The following TRIM41 variants were observed in gnomAD, a reference collection of about 807,000 sequenced individuals.
The protein encoded by TRIM41 is E3 ubiquitin-protein ligase TRIM41.
A neutral mutation model predicts 60.6 loss-of-function variants in TRIM41; 21 were observed. That is an observed-to-expected ratio of 0.35 (90% CI 0.25 to 0.50). The LOEUF (loss-of-function observed/expected upper bound fraction) is 0.50. TRIM41 is among the 20% of genes least tolerant of loss of function. The pLI, the probability that TRIM41 is intolerant of heterozygous loss-of-function variation, is 0.98. For synonymous variants in TRIM41, 407 were observed against 344.9 expected (o/e 1.18, Z -2.00); for missense variants, 846 against 868.3 (o/e 0.97, Z 0.32).
At position 181,233,358 on chromosome 5, in the gene TRIM41, G is replaced by T; in HGVS notation, c.1141-55G>T. 6 of 1,573,468 alleles carry T rather than the reference G, an allele frequency of 3.8e-6. No homozygotes were observed. Among genetic ancestry groups the T allele is most frequent in the Non-Finnish European group, 5.2e-6 (6 of 1,144,902 alleles). ...CGGGGAACGCTGTCCCTGTGCAGCT[G>T]ACACTCTCTTTATCTCTTTCTCCCT... On this transcript the variant is annotated intron_variant, in intron 3 of 5. Transcript: ENST00000315073. The surrounding 1 kb of genome is among the most constrained non-coding windows in gnomAD (Gnocchi z 4.1).
intron 1 of TRIM41, chr5:181,225,457 C>T (rs1163207681): frequency 1.9e-5 from 3 of 157,740 alleles, no homozygotes; most frequent in Non-Finnish European, 4.2e-5. Context: ...AGTTAATATT[C>T]ACTGGACATT....
rs777030561 is a variant in TRIM41, at chr5:181,235,393, T to C, written c.*618T>C. ...AGCTTCACTTGAGAGAGATCTGGAA[T>C]GGTCGCCATGATTGAAACCACGCAC... On this transcript the variant is annotated 3_prime_UTR_variant, in exon 6 of 6. Transcript: ENST00000315073. The C allele has an allele frequency of 5.0e-6, 8 of 1,614,234 alleles. No homozygotes were observed. Among genetic ancestry groups the C allele is most frequent in the Non-Finnish European group, 6.8e-6 (8 of 1,180,040 alleles).
intron 2 of TRIM41, 93 bp downstream of exon 2, chr5:181,230,932 TGAGG>T: frequency 8.7e-6 from 10 of 1,149,302 alleles, no homozygotes; most frequent in Non-Finnish European, 1.3e-5. Context: ...CTTGGTCCCC[TGAGG>T]AGGGGACAGC....
chr5:181,235,060 G>A lies in TRIM41; in HGVS notation c.*285G>A, dbSNP rs777847841. The A allele has an allele frequency of 1.2e-5, 20 of 1,611,562 alleles. No homozygotes were observed. Among genetic ancestry groups the A allele is most frequent in the Admixed American group, 1.7e-5 (1 of 59,610 alleles). On this transcript the variant is annotated 3_prime_UTR_variant, in exon 6 of 6. Coordinates refer to ENST00000315073, the MANE Select transcript of TRIM41 (RefSeq NM_033549.5). ...CTTCTCTCCCAGTCTGCCTAGCCCAGCCCTGGGACTGGAATTTGAGTAGGG... is the reference window on the plus strand; with the variant it reads ...CTTCTCTCCCAGTCTGCCTAGCCCAACCCTGGGACTGGAATTTGAGTAGGG...
At chr5:181,232,264 AAC>A (rs1197831092) in intron 2 of TRIM41, 4 of 203,124 alleles carry the variant, frequency 2.0e-5, no homozygotes, top group Non-Finnish European at 3.9e-5. Context: ...AAAGGATGTT[AAC>A]AGTTACGTCA....
chr5:181,234,734 C>G lies in TRIM41; in HGVS notation c.1852C>G (p.Arg618Gly), dbSNP rs765306921. 1 of 1,613,844 alleles carries G rather than the reference C, an allele frequency of 6.2e-7. No individual in the cohort carries two copies. The highest frequency in any genetic ancestry group is 8.5e-7 in the Non-Finnish European group (1 of 1,179,786). Residue 618 changes from arginine to glycine, a missense_variant, in exon 6 of 6, where the codon CGG (arginine) becomes GGG (glycine). Transcript: ENST00000315073. This position sits in a 1 kb window ranked among gnomAD's most constrained non-coding sequence, Gnocchi z 5.6. ...GGGCGAGCGTGTCTTTCCTTTCTTC[C>G]GGGTGCTCTCCAAGGGCACCCGCAT... Reference protein sequence around the residue: ...FLGERVFPFFRVLSKGTRIKL... With the variant: ...FLGERVFPFFGVLSKGTRIKL...
rs918393169 is a variant in TRIM41 at position 181,234,402 on chromosome 5, C to T, written c.1520C>T (p.Thr507Ile). 1.9e-6 allele frequency: 3 copies of T among 1,561,842 alleles called. No homozygotes were observed. The African/African-American group carries it at 4.1e-5, about 21-fold the overall frequency. ...GWAVGAARES[T>I]HHKEKVGPGG... ...GCGGTGGGTGCTGCCCGTGAATCAA[C>T]CCATCATAAGGAAAAGGTGGGCCCT... The change falls in exon 6 of 6, where the codon ACC becomes ATC. Residue 507 changes from threonine (T) to isoleucine (I), a missense_variant. By Grantham distance (89) the Thr-to-Ile change is moderately conservative (BLOSUM62 -1). Transcript: ENST00000315073. This position sits in a 1 kb window ranked among gnomAD's most constrained non-coding sequence, Gnocchi z 5.6.
At position 181,223,987 on chromosome 5, in the gene TRIM41, G is replaced by T; in HGVS notation, c.-13G>T. 6.2e-7 allele frequency: 1 copy of T among 1,604,690 alleles called. No individual in the cohort carries two copies. On this transcript the variant is annotated 5_prime_UTR_variant, in exon 1 of 6. Transcript: ENST00000315073. Reference sequence around the variant, plus strand: ...CCCCACCGAACCTCTACACTGGCTGGCTGGACACTAAGATGGCTGCCGTTG... The same window carrying T: ...CCCCACCGAACCTCTACACTGGCTGTCTGGACACTAAGATGGCTGCCGTTG...
In TRIM41 at chr5:181,223,318, C is replaced by T. The variant is rs1324054302; in HGVS notation, c.-682C>T. On this transcript the variant is annotated 5_prime_UTR_variant, in exon 1 of 6. Coordinates refer to ENST00000315073, the MANE Select transcript of TRIM41 (RefSeq NM_033549.5). Reference sequence around the variant, plus strand: ...GGCTGTGGGGAGTACCGGCTGCAGTCGGCTGTGCCGGGAGGGTAGGATGGC... The same window carrying T: ...GGCTGTGGGGAGTACCGGCTGCAGTTGGCTGTGCCGGGAGGGTAGGATGGC... 2.5e-6 allele frequency: 1 copy of T among 399,078 alleles called. No homozygotes were observed. The highest frequency in any genetic ancestry group is 2.1e-5 in the African/African-American group (1 of 48,658). The allele number at this position is 399,078 out of a possible 1,614,324, so 24.7% of individuals were successfully genotyped here.
At chr5:181,229,110 C>G (rs186340398) in intron 1 of TRIM41, 18 of 152,166 alleles carry the variant, frequency 1.2e-4, no homozygotes, top group African/African-American at 3.4e-4. Context: ...GTAATTTTGT[C>G]TACAACCACT....
At position 181,230,756 on chromosome 5, in the gene TRIM41, G is replaced by A; in HGVS notation, c.826G>A (p.Gly276Arg). ...VVQEYKAKLQ[G>R]HVEPLRKHLE... ...TCTGTTTCCTCAGGCCAAACTGCAG[G>A]GGCACGTGGAACCACTGAGGAAGCA... The change falls in exon 2 of 6, where the codon GGG becomes AGG. Residue 276 changes from glycine (G) to arginine (R), a missense_variant. Gly to Arg is a moderately radical substitution (Grantham distance 125). Coordinates refer to ENST00000315073, the MANE Select transcript of TRIM41 (RefSeq NM_033549.5). The A allele has an allele frequency of 6.2e-7, 1 of 1,613,004 alleles. No individual in the cohort carries two copies. Among genetic ancestry groups the A allele is most frequent in the South Asian group, 1.1e-5 (1 of 91,054 alleles).
Position 181,233,726 on chromosome 5 carries a change from G to A in TRIM41, c.1254G>A (p.Val418=). 1 of 1,614,188 alleles carries A rather than the reference G, an allele frequency of 6.2e-7. No individual in the cohort carries two copies. The highest frequency in any genetic ancestry group is 8.5e-7 in the Non-Finnish European group (1 of 1,180,046). The stretch of plus-strand genomic sequence containing the variant: ...ATGACTTCCTGACAGATGCCATCGT[G>A]AGGAAAATGAGCCGGATGTTCTGTC... ...HSHDFLTDAI[V]RKMSRMFCQA... is the part of the protein sequence containing the mutation. Residue 418 remains valine, a synonymous_variant, in exon 5 of 6, where the codon GTG becomes GTA. Transcript: ENST00000315073. The surrounding 1 kb of genome is among the most constrained non-coding windows in gnomAD (Gnocchi z 4.1).
chr5:181,224,841 G>A, intron 1 of TRIM41, 29 bp downstream of exon 1: 2 of 1,613,700 alleles, frequency 1.2e-6, no homozygotes, highest in Non-Finnish European at 1.7e-6. Context: ...GAAGATGGGA[G>A]TTTAGTGGGG....
Position 181,235,556 on chromosome 5 carries a change from C to G in TRIM41, c.*781C>G, listed in dbSNP as rs1320791207. On this transcript the variant is annotated 3_prime_UTR_variant, in exon 6 of 6. Coordinates refer to ENST00000315073, the MANE Select transcript of TRIM41 (RefSeq NM_033549.5). ...CTGCTCACTGCCAGGCTCCTCTCCC[C>G]TTTGTTCAGTGGAGCTGGCTTTTCT... 3.2e-6 allele frequency: 3 copies of G among 949,086 alleles called. No individual in the cohort carries two copies. Among genetic ancestry groups the G allele is most frequent in the African/African-American group, 1.6e-5 (1 of 61,066 alleles). The allele number at this position is 949,086 out of a possible 1,614,324, so 58.8% of individuals were successfully genotyped here.
intron 2 of TRIM41, 63 bp from the exon 3 acceptor site, chr5:181,232,596 A>G (rs1758851050): frequency 2.0e-6 from 3 of 1,520,936 alleles, no homozygotes; most frequent in Non-Finnish European, 2.7e-6. Context: ...AGTAGTTGCA[A>G]AACTGGAGGT....
chr5:181,235,721 G>A lies in TRIM41; in HGVS notation c.*946G>A, dbSNP rs531890076. The A allele has an allele frequency of 2.3e-4, 71 of 302,980 alleles. No individual in the cohort carries two copies. Among genetic ancestry groups the A allele is most frequent in the Middle Eastern group, 7.8e-4 (2 of 2,554 alleles). 18.8% of individuals were successfully genotyped at this position (302,980 alleles called of 1,614,324 possible). ...TCTTGCCTTGTCACTTGCAGCTTTCGCCCTCTGCTTTGATGGCTGAGGTGA... is the reference window on the plus strand; with the variant it reads ...TCTTGCCTTGTCACTTGCAGCTTTCACCCTCTGCTTTGATGGCTGAGGTGA... On this transcript the variant is annotated 3_prime_UTR_variant, in exon 6 of 6. Transcript: ENST00000315073.
At position 181,235,264 on chromosome 5, in the gene TRIM41, C is replaced by T. The variant is rs528852044; in HGVS notation, c.*489C>T. ...AAGCCATTTGGGGAGGCAGGCTGGGCCAAAGGGTAGAGCTGGGTAATAAAT... is the reference window on the plus strand; with the variant it reads ...AAGCCATTTGGGGAGGCAGGCTGGGTCAAAGGGTAGAGCTGGGTAATAAAT... On this transcript the variant is annotated 3_prime_UTR_variant, in exon 6 of 6. Transcript: ENST00000315073. 9 of 1,608,296 alleles carry T rather than the reference C, an allele frequency of 5.6e-6. No individual in the cohort carries two copies. In the South Asian group the frequency reaches 7.7e-5, roughly 14 times the overall value.
rs1758885893 is a variant in TRIM41, at chr5:181,233,223, C to T, written c.1141-190C>T. 3 of 747,732 alleles carry T rather than the reference C, an allele frequency of 4.0e-6. No homozygotes were observed. The highest frequency in any genetic ancestry group is 2.2e-4 in the Middle Eastern group (1 of 4,452). 46.3% of individuals were successfully genotyped at this position (747,732 alleles called of 1,614,324 possible). The stretch of plus-strand genomic sequence containing the variant: ...TCCCTGGGCTCACAGCAGGATGAGG[C>T]GAGTTAGGTATGGCGAGGCATGGGG... On this transcript the variant is annotated intron_variant, in intron 3 of 5. Coordinates refer to ENST00000315073, the MANE Select transcript of TRIM41 (RefSeq NM_033549.5). The surrounding 1 kb of genome is among the most constrained non-coding windows in gnomAD (Gnocchi z 4.1).
rs753817837 is a variant in TRIM41, at chr5:181,234,992, A to G, written c.*217A>G. Reference sequence around the variant, plus strand: ...TTCTCTCACCTACTATGTCTGTCCAACAGGTCTGCATGGGTCCCTGATAAT... The same window carrying G: ...TTCTCTCACCTACTATGTCTGTCCAGCAGGTCTGCATGGGTCCCTGATAAT... On this transcript the variant is annotated 3_prime_UTR_variant, in exon 6 of 6. Coordinates refer to ENST00000315073, the MANE Select transcript of TRIM41 (RefSeq NM_033549.5). The surrounding 1 kb of genome is among the most constrained non-coding windows in gnomAD (Gnocchi z 5.6). 20 of 1,613,870 alleles carry G rather than the reference A, an allele frequency of 1.2e-5. No homozygotes were observed. The highest frequency in any genetic ancestry group is 1.6e-4 in the Middle Eastern group (1 of 6,084).
Sources: gnomAD v4.1 joint callset for allele counts on GRCh38, gnomAD v4.1.1 for gene constraint, Gnocchi (gnomAD v3.1) non-coding constraint, MANE v1.5 for transcripts, NCBI Gene and HGNC (gene_info 2026-07-23, HGNC 2026-07-21) for gene names.